MPDZ: variants seen among roughly 807,000 people sequenced by gnomAD.
The protein encoded by MPDZ is multiple PDZ domain protein.
In MPDZ, 234 loss-of-function variants were observed where a neutral mutation model predicts 239.1. The observed-to-expected ratio is 0.98, with a 90% confidence interval of 0.88 to 1.09. The LOEUF is 1.09. Among genes scored for constraint, MPDZ ranks in the 50% least tolerant of loss-of-function variants. The pLI is 0.00. For synonymous variants in MPDZ, 1,048 were observed against 881.3 expected, an observed-to-expected ratio of 1.19 and a Z score of -3.35; for missense variants, 3,175 against 2,510.0, an observed-to-expected ratio of 1.26 and a Z score of -5.66.
intron 1 of MPDZ, among the ~76,000 whole-genome samples, chr9:13,255,695 G>T (rs914354030): frequency 6.6e-6 from 1 of 152,114 alleles, no homozygotes; most frequent in Non-Finnish European, 1.5e-5. Context: ...CTGAGCAGTA[G>T]GTCTCAACAG....
At chr9:13,252,871 C>A (rs1039134541) in intron 1 of MPDZ, among the ~76,000 whole-genome samples, 1 of 152,152 alleles carries the variant, frequency 6.6e-6, no homozygotes, top group Non-Finnish European at 1.5e-5. Flanking sequence ...ACTAGAGAGT[C>A]TGATAACCTG....
chr9:13,202,747 G>T (rs548866829), intron 12 of MPDZ, among the ~76,000 whole-genome samples: 2 of 152,148 alleles, frequency 1.3e-5, no homozygotes, highest in Non-Finnish European at 2.9e-5. Flanking sequence ...TCTTTGAATG[G>T]CATTATGCCA....
intron 3 of MPDZ, among the ~76,000 whole-genome samples, chr9:13,236,261 ATATATATTTTTTTTTTTT>A (rs1248263869): frequency 9.2e-5 from 2 of 21,638 alleles, no homozygotes; most frequent in Non-Finnish European, 1.9e-4. Flanking sequence ...ATATATATAT[ATATATATTTTTTTTTTTT>A]TTTTTTTTTT....
chr9:13,245,208 C>G (rs1479077514), intron 3 of MPDZ, among the ~76,000 whole-genome samples: 1 of 151,468 alleles, frequency 6.6e-6, no homozygotes, highest in African/African-American at 2.4e-5. Flanking sequence ...CTCTAGAGTA[C>G]TTATATTTAA....
rs564443227 is a variant in MPDZ, at chr9:13,272,465, C to G, written c.-58+6935G>C. Among the ~76,000 whole-genome samples the G allele has an allele frequency of 1.6e-4, 24 of 152,142 alleles. No individual in the cohort carries two copies. The South Asian group carries it at 4.8e-3, about 30-fold the overall frequency. The stretch of plus-strand genomic sequence containing the variant: ...TTTGTAAAACAGCATAGGATAACTG[C>G]ATTTCCTAGCCCAGAAAACTGTGAA... On this transcript the variant is annotated intron_variant, in intron 1 of 46. Coordinates refer to ENST00000319217, the MANE Select transcript of MPDZ (RefSeq NM_001378778.1).
chr9:13,137,458 C>A (rs984626315), intron 29 of MPDZ, among the ~76,000 whole-genome samples: 7 of 152,152 alleles, frequency 4.6e-5, no homozygotes, highest in African/African-American at 1.4e-4. Flanking sequence ...ACAACACAAG[C>A]AAATAAAATT....
chr9:13,251,968 T>C (rs958109615), intron 1 of MPDZ, among the ~76,000 whole-genome samples: 29 of 152,286 alleles, frequency 1.9e-4, no homozygotes, highest in African/African-American at 6.5e-4. Context: ...TCAGTTTCTT[T>C]TAAAACACAC....
Position 13,223,131 on chromosome 9 carries a change from G to C in MPDZ, c.533+440C>G, listed in dbSNP as rs1471472559. On this transcript the variant is annotated intron_variant, in intron 5 of 46. Coordinates refer to ENST00000319217, the MANE Select transcript of MPDZ (RefSeq NM_001378778.1). Reference sequence around the variant, plus strand: ...AAATACTATACCACTTTATATAAGGGACTTGAGCACCTGCAGATTTTAGTA... The same window carrying C: ...AAATACTATACCACTTTATATAAGGCACTTGAGCACCTGCAGATTTTAGTA... Among the ~76,000 whole-genome samples, 2 of 151,906 alleles carry C rather than the reference G, an allele frequency of 1.3e-5. 1 individual carries two copies. Among genetic ancestry groups the C allele is most frequent in the Non-Finnish European group, 2.9e-5 (2 of 67,962 alleles).
intron 3 of MPDZ, among the ~76,000 whole-genome samples, chr9:13,242,417 T>C (rs920708680): frequency 2.6e-5 from 4 of 151,692 alleles, no homozygotes; most frequent in African/African-American, 9.7e-5. Context: ...GTAGAGATGA[T>C]GGGGTTTCAC....
chr9:13,213,529 T>C (rs1449687989), intron 10 of MPDZ, among the ~76,000 whole-genome samples: 1 of 152,082 alleles, frequency 6.6e-6, no homozygotes, highest in South Asian at 2.1e-4. Context: ...TGCAAATATC[T>C]CAAAAGTCCA....
At chr9:13,236,709 T>A (rs1964134667) in intron 3 of MPDZ, among the ~76,000 whole-genome samples, 1 of 152,134 alleles carries the variant, frequency 6.6e-6, no homozygotes, top group Non-Finnish European at 1.5e-5. Context: ...AAAATATTTA[T>A]GAACACTCGA....
intron 3 of MPDZ, among the ~76,000 whole-genome samples, chr9:13,226,332 C>T (rs1173625288): frequency 1.3e-5 from 2 of 152,032 alleles, no homozygotes; most frequent in Non-Finnish European, 2.9e-5. Flanking sequence ...GCAGTCAATC[C>T]TAATTTCATA....
intron 25 of MPDZ, 44 bp downstream of exon 25, chr9:13,150,463 TAAAA>T: frequency 7.3e-7 from 1 of 1,369,190 alleles, no homozygotes; most frequent in Non-Finnish European, 9.6e-7. Flanking sequence ...AATAAATAAA[TAAAA>T]CAAAACAAAC....
intron 3 of MPDZ, among the ~76,000 whole-genome samples, chr9:13,233,672 C>T (rs1474149371): frequency 6.6e-6 from 1 of 152,040 alleles, no homozygotes; most frequent in Non-Finnish European, 1.5e-5. Flanking sequence ...CAAAATAAGA[C>T]ATATAATCAA....
In MPDZ at chr9:13,205,995, C is replaced by G. The variant is rs772753469; in HGVS notation, c.1395G>C (p.Lys465Asn). 6.2e-7 allele frequency: 1 copy of G among 1,611,826 alleles called. No individual in the cohort carries two copies. The highest frequency in any genetic ancestry group is 8.5e-7 in the Non-Finnish European group (1 of 1,179,060). ...VLLTLMRRGMKQEAELMSRED... is the reference protein window; with the variant it reads ...VLLTLMRRGMNQEAELMSRED... The stretch of plus-strand genomic sequence containing the variant: ...CCCTTGACATGAGCTCGGCTTCCTG[C>G]TTCATTCCTCTCCTCATTAGTGTCA... Residue 465 changes from lysine to asparagine, a missense_variant, in exon 11 of 47, where the codon AAG becomes AAC. Physicochemically the swap from Lys to Asn is moderately conservative, Grantham distance 94. Coordinates refer to ENST00000319217, the MANE Select transcript of MPDZ (RefSeq NM_001378778.1).
intron 1 of MPDZ, among the ~76,000 whole-genome samples, chr9:13,272,205 C>G (rs1973141997): frequency 6.6e-6 from 1 of 152,102 alleles, no homozygotes; most frequent in Admixed American, 6.5e-5. Flanking sequence ...GTTAAACACT[C>G]CCTCCCACCT....
At chr9:13,213,858 T>G (rs181692891) in intron 10 of MPDZ, among the ~76,000 whole-genome samples, 2 of 152,220 alleles carry the variant, frequency 1.3e-5, no homozygotes. Context: ...CTTTCAATGA[T>G]AGCCCTCAAT....
chr9:13,230,228 T>C (rs531228795), intron 3 of MPDZ, among the ~76,000 whole-genome samples: 130 of 152,256 alleles, frequency 8.5e-4, no homozygotes, highest in African/African-American at 3.0e-3. Flanking sequence ...TACACCCCAC[T>C]GAAAAATAGT....
intron 1 of MPDZ, among the ~76,000 whole-genome samples, chr9:13,277,958 CAAG>C (rs1191738655): frequency 1.3e-5 from 2 of 152,154 alleles, no homozygotes; most frequent in African/African-American, 4.8e-5. Context: ...TCCAACATTA[CAAG>C]ATGTTCATTG....
Sources: allele counts gnomAD v4.1 joint callset (sites outside exome capture counted in the v4.1 genomes callset), GRCh38; gene constraint gnomAD v4.1.1; transcripts MANE v1.5; gene names NCBI Gene and HGNC (gene_info 2026-07-23, HGNC 2026-07-21).